Variants in CACNG2 observed in about 807,000 individuals in gnomAD.
CACNG2 encodes the protein voltage-dependent calcium channel gamma-2 subunit.
CACNG2 carries 3 observed loss-of-function variants against 25.9 expected under a neutral mutation model. The ratio of observed to expected loss-of-function variants is 0.12; its 90% CI spans 0.05 to 0.30. CACNG2 has a LOEUF of 0.30. Among genes scored for constraint, CACNG2 ranks in the 10% least tolerant of loss-of-function variants. The probability of loss-of-function intolerance (pLI) is 1.00; values close to 1 mark genes in which losing one functional copy is unlikely to be tolerated. For missense variants in CACNG2, 341 were observed against 432.5 expected, an observed-to-expected ratio of 0.79 and a Z score of 1.88; for synonymous variants, 167 against 173.3, an observed-to-expected ratio of 0.96 and a Z score of 0.29.
intron 1 of CACNG2, among the ~76,000 whole-genome samples, chr22:36,636,444 C>G (rs1936359060): frequency 6.6e-6 from 1 of 152,200 alleles, no homozygotes; most frequent in Non-Finnish European, 1.5e-5. Flanking sequence ...TACACACAAC[C>G]TGGACAGGGG....
At chr22:36,687,477 TC>T (rs1275813230) in intron 1 of CACNG2, among the ~76,000 whole-genome samples, 2 of 152,240 alleles carry the variant, frequency 1.3e-5, no homozygotes, top group Non-Finnish European at 2.9e-5. Flanking sequence ...TCAAATTGAA[TC>T]CTTCCTGGTA....
intron 1 of CACNG2, among the ~76,000 whole-genome samples, chr22:36,684,551 G>A (rs1383316543): frequency 3.3e-5 from 5 of 150,082 alleles, no homozygotes; most frequent in Non-Finnish European, 1.5e-5. Context: ...AGTAGGTCAA[G>A]GCTGCAGTGA....
At chr22:36,605,082 A>C (rs1935811357) in intron 1 of CACNG2, among the ~76,000 whole-genome samples, 1 of 152,164 alleles carries the variant, frequency 6.6e-6, no homozygotes, top group East Asian at 1.9e-4. Flanking sequence ...GCCCAACATA[A>C]CTTTTTTTTT....
At chr22:36,671,510 C>T (rs1936948362) in intron 1 of CACNG2, among the ~76,000 whole-genome samples, 1 of 152,190 alleles carries the variant, frequency 6.6e-6, no homozygotes, top group South Asian at 2.1e-4. Context: ...AGCTGAAATG[C>T]TCCACCGCAC....
intron 1 of CACNG2, among the ~76,000 whole-genome samples, chr22:36,601,340 C>T (rs1935750949): frequency 6.6e-6 from 1 of 152,148 alleles, no homozygotes; most frequent in Non-Finnish European, 1.5e-5. Flanking sequence ...CAGATCTCTC[C>T]CTTTTTAAAG....
At chr22:36,699,658 G>T (rs1035784432) in intron 1 of CACNG2, among the ~76,000 whole-genome samples, 14 of 133,104 alleles carry the variant, frequency 1.1e-4, no homozygotes, top group African/African-American at 4.2e-4. Flanking sequence ...GTGGGGGGTG[G>T]GGGGATCTTT....
intron 1 of CACNG2, among the ~76,000 whole-genome samples, chr22:36,657,890 G>A (rs1158995409): frequency 1.3e-5 from 2 of 151,972 alleles, no homozygotes; most frequent in Non-Finnish European, 2.9e-5. Context: ...TATGGTGCTG[G>A]GGCAAAGAAA....
intron 2 of CACNG2, among the ~76,000 whole-genome samples, chr22:36,576,055 A>C (rs1935307064): frequency 6.6e-6 from 1 of 152,166 alleles, no homozygotes; most frequent in South Asian, 2.1e-4. Flanking sequence ...GTGAGAAGGG[A>C]TGCGTTTCAA....
chr22:36,588,295 C>G (rs1211143857), intron 1 of CACNG2, among the ~76,000 whole-genome samples: 1 of 152,198 alleles, frequency 6.6e-6, no homozygotes, highest in African/African-American at 2.4e-5. Flanking sequence ...AAACTAGGAT[C>G]TTTTGACTCT....
intron 1 of CACNG2, among the ~76,000 whole-genome samples, chr22:36,689,054 C>G (rs1409670112): frequency 2.6e-5 from 4 of 152,138 alleles, no homozygotes; most frequent in African/African-American, 9.7e-5. Flanking sequence ...CCTGCAGAAC[C>G]CACTGCAGAG....
intron 1 of CACNG2, among the ~76,000 whole-genome samples, chr22:36,635,241 G>A (rs546876218): frequency 6.1e-5 from 9 of 147,720 alleles, no homozygotes; most frequent in Non-Finnish European, 8.9e-5. Context: ...CTGAGATTGC[G>A]CCACTGCACT....
intron 1 of CACNG2, among the ~76,000 whole-genome samples, chr22:36,673,665 G>A (rs1046856634): frequency 6.6e-6 from 1 of 151,942 alleles, no homozygotes; most frequent in East Asian, 1.9e-4. Flanking sequence ...CACCACACTC[G>A]CTGCTGCTGA....
At chr22:36,620,498 T>C (rs1936090142) in intron 1 of CACNG2, among the ~76,000 whole-genome samples, 1 of 152,262 alleles carries the variant, frequency 6.6e-6, no homozygotes, top group South Asian at 2.1e-4. Flanking sequence ...TCTGTTCTGC[T>C]TCTTTTGTCA....
intron 2 of CACNG2, among the ~76,000 whole-genome samples, chr22:36,578,917 G>T (rs16996958): frequency 2.0e-5 from 3 of 151,574 alleles, no homozygotes; most frequent in Non-Finnish European, 2.9e-5. Context: ...TTCACAGTCC[G>T]TGGGGAGAAG....
chr22:36,653,830 T>G (rs1936659772), intron 1 of CACNG2, among the ~76,000 whole-genome samples: 1 of 152,064 alleles, frequency 6.6e-6, no homozygotes. Flanking sequence ...GACCCTTTCT[T>G]GGAGGTTCTT....
intron 1 of CACNG2, among the ~76,000 whole-genome samples, chr22:36,613,403 C>A (rs192445601): frequency 6.6e-6 from 1 of 152,182 alleles, no homozygotes; most frequent in Admixed American, 6.5e-5. Flanking sequence ...TCTACACATG[C>A]CCCTACAGCT....
chr22:36,654,303 T>A (rs1280971234), intron 1 of CACNG2, among the ~76,000 whole-genome samples: 5 of 152,130 alleles, frequency 3.3e-5, no homozygotes, highest in Non-Finnish European at 5.9e-5. Flanking sequence ...GGTCTCACTC[T>A]CACCCCGGCT....
intron 1 of CACNG2, among the ~76,000 whole-genome samples, chr22:36,653,788 G>A (rs758245067): frequency 6.6e-6 from 1 of 152,086 alleles, no homozygotes; most frequent in Non-Finnish European, 1.5e-5. Flanking sequence ...GGACCAGGAG[G>A]GCATGGGCAA....
At chr22:36,701,909 A>T (rs1397343336) in intron 1 of CACNG2, among the ~76,000 whole-genome samples, 1 of 152,186 alleles carries the variant, frequency 6.6e-6, no homozygotes, top group Non-Finnish European at 1.5e-5. Flanking sequence ...TGGTGTGTCT[A>T]GGACTTTTGG....
Sources: allele counts gnomAD v4.1 joint callset (sites outside exome capture counted in the v4.1 genomes callset), GRCh38; gene constraint gnomAD v4.1.1; transcripts MANE v1.5; gene names NCBI Gene and HGNC (gene_info 2026-07-23, HGNC 2026-07-21).